Variants in CCSER1 observed in about 807,000 individuals in gnomAD.
CCSER1 encodes the protein coiled-coil serine rich protein 1.
In CCSER1, 41 loss-of-function variants were observed where a neutral mutation model predicts 82.0. That is an observed-to-expected ratio of 0.50 (90% CI 0.39 to 0.65). The LOEUF is 0.65. CCSER1 is among the 30% of genes least tolerant of loss of function. The pLI, the probability that CCSER1 is intolerant of heterozygous loss-of-function variation, is 0.00. For synonymous variants in CCSER1, 414 were observed against 383.9 expected (o/e 1.08, Z -0.92); for missense variants, 1,119 against 1,064.2 (o/e 1.05, Z -0.72).
At chr4:90,167,242 G>C (rs977164704) in intron 1 of CCSER1, among the ~76,000 whole-genome samples, 3 of 151,980 alleles carry the variant, frequency 2.0e-5, no homozygotes, top group African/African-American at 7.2e-5. Context: ...TAAGCATATA[G>C]TTACATCCTA....
intron 9 of CCSER1, among the ~76,000 whole-genome samples, chr4:91,025,195 A>AT (rs1253345592): frequency 6.6e-6 from 1 of 152,072 alleles, no homozygotes; most frequent in Admixed American, 6.6e-5. Context: ...TGTAATTTCT[A>AT]TTTTTTTATG....
At chr4:90,275,703 G>T (rs976097067) in intron 1 of CCSER1, among the ~76,000 whole-genome samples, 3 of 152,128 alleles carry the variant, frequency 2.0e-5, no homozygotes, top group Non-Finnish European at 4.4e-5. Flanking sequence ...TATTAGAAAA[G>T]TTTTGAATAC....
intron 4 of CCSER1, among the ~76,000 whole-genome samples, chr4:90,440,170 G>GT (rs902728266): frequency 3.2e-4 from 49 of 151,648 alleles, no homozygotes; most frequent in Middle Eastern, 6.8e-3. Flanking sequence ...TGCCTGGCTA[G>GT]TTTTTTTTAC....
intron 10 of CCSER1, among the ~76,000 whole-genome samples, chr4:91,146,628 A>G (rs1729568432): frequency 6.9e-6 from 1 of 145,708 alleles, no homozygotes. Context: ...TTGTTTTTAT[A>G]TTCTTTTTTT....
At chr4:91,118,934 G>A (rs1271677565) in intron 10 of CCSER1, among the ~76,000 whole-genome samples, 1 of 152,140 alleles carries the variant, frequency 6.6e-6, no homozygotes, top group Non-Finnish European at 1.5e-5. Flanking sequence ...TCCACAGGCA[G>A]TCTGGGTAAG....
intron 3 of CCSER1, among the ~76,000 whole-genome samples, chr4:90,324,940 T>C (rs1384152625): frequency 2.0e-5 from 3 of 152,230 alleles, no homozygotes; most frequent in African/African-American, 4.8e-5. Flanking sequence ...CCTTTCCCCA[T>C]TGCTTGTTTT....
At chr4:91,520,518 C>T (rs1296878910) in intron 10 of CCSER1, among the ~76,000 whole-genome samples, 1 of 152,062 alleles carries the variant, frequency 6.6e-6, no homozygotes, top group Non-Finnish European at 1.5e-5. Flanking sequence ...TTGCTTTTTG[C>T]AATGATCTTT....
chr4:90,885,617 T>C (rs1321378055), intron 8 of CCSER1, among the ~76,000 whole-genome samples: 1 of 152,176 alleles, frequency 6.6e-6, no homozygotes, highest in East Asian at 1.9e-4. Flanking sequence ...GGTCATTATT[T>C]GGTGTGCTGG....
chr4:90,809,418 T>C (rs1386628898), intron 7 of CCSER1, among the ~76,000 whole-genome samples: 1 of 151,948 alleles, frequency 6.6e-6, no homozygotes, highest in East Asian at 1.9e-4. Context: ...TTGCAGCAAC[T>C]TGGAAGTAAT....
chr4:91,272,646 G>A (rs1308316559), intron 10 of CCSER1, among the ~76,000 whole-genome samples: 1 of 152,116 alleles, frequency 6.6e-6, no homozygotes, highest in African/African-American at 2.4e-5. Flanking sequence ...ATTTGGTTTT[G>A]TGTCTTGGTC....
At chr4:91,575,448 C>T (rs1578832058) in intron 10 of CCSER1, among the ~76,000 whole-genome samples, 1 of 151,946 alleles carries the variant, frequency 6.6e-6, no homozygotes, top group East Asian at 1.9e-4. Flanking sequence ...TAAGAGAAAA[C>T]ATTTGCAAAT....
At chr4:90,462,119 AAG>A (rs561239030) in intron 4 of CCSER1, among the ~76,000 whole-genome samples, 677 of 152,304 alleles carry the variant, frequency 4.4e-3, no homozygotes, top group Non-Finnish European at 6.9e-3. Flanking sequence ...AGGCACTAAA[AAG>A]AAATATTTAC....
intron 10 of CCSER1, among the ~76,000 whole-genome samples, chr4:91,374,118 G>A (rs1315404584): frequency 1.3e-5 from 2 of 152,122 alleles, no homozygotes; most frequent in Non-Finnish European, 2.9e-5. Context: ...AAGGAGCAAG[G>A]TAAAGCAGTG....
intron 1 of CCSER1, among the ~76,000 whole-genome samples, chr4:90,267,435 G>GAACACA (rs1725444481): frequency 6.6e-6 from 1 of 152,122 alleles, no homozygotes; most frequent in Non-Finnish European, 1.5e-5. Flanking sequence ...CTTCAGAAAA[G>GAACACA]AACACAAATC....
intron 5 of CCSER1, among the ~76,000 whole-genome samples, chr4:90,547,412 T>G (rs1409623918): frequency 6.6e-6 from 1 of 152,068 alleles, no homozygotes; most frequent in Non-Finnish European, 1.5e-5. Flanking sequence ...TCATTTCTAT[T>G]AATATGCCAG....
intron 7 of CCSER1, 132 bp downstream of exon 7, chr4:90,724,123 C>CA: frequency 1.9e-6 from 1 of 524,254 alleles, no homozygotes; most frequent in East Asian, 3.2e-5. Flanking sequence ...ATCTTAAAAT[C>CA]GTTTTTTTGT....
intron 3 of CCSER1, among the ~76,000 whole-genome samples, chr4:90,320,922 A>G (rs1737043378): frequency 6.6e-6 from 1 of 152,070 alleles, no homozygotes; most frequent in Non-Finnish European, 1.5e-5. Flanking sequence ...TAATTTAATA[A>G]TTATTACAGG....
intron 7 of CCSER1, among the ~76,000 whole-genome samples, chr4:90,789,981 A>G (rs1454341): frequency 0.54 from 81,631 of 151,932 alleles, 22,780 homozygotes; most frequent in African/African-American, 0.69. Context: ...GGAGTGAGCA[A>G]TACTTCCATT....
chr4:90,690,306 A>G (rs956287820), intron 6 of CCSER1, among the ~76,000 whole-genome samples: 1 of 152,030 alleles, frequency 6.6e-6, no homozygotes. Flanking sequence ...AAATGAAGAG[A>G]CATTTTAAAT....
Sources: allele counts gnomAD v4.1 joint callset (sites outside exome capture counted in the v4.1 genomes callset), GRCh38; gene constraint gnomAD v4.1.1; transcripts MANE v1.5; gene names NCBI Gene and HGNC (gene_info 2026-07-23, HGNC 2026-07-21).